CCAR1: variants seen among roughly 807,000 people sequenced by gnomAD.
The protein encoded by CCAR1 is cell division cycle and apoptosis regulator 1, also known as cell division cycle and apoptosis regulator protein 1.
CCAR1 carries 78 observed loss-of-function variants against 163.8 expected under a neutral mutation model. The ratio of observed to expected loss-of-function variants is 0.48; its 90% CI spans 0.40 to 0.57. The LOEUF is 0.57. Among genes scored for constraint, CCAR1 ranks in the 20% least tolerant of loss-of-function variants. CCAR1 has a pLI of 0.00. For synonymous variants in CCAR1, 443 were observed against 460.7 expected (o/e 0.96, Z 0.49); for missense variants, 1,019 against 1,365.2 (o/e 0.75, Z 4.00).
rs146243051 is a variant in CCAR1, at chr10:68,750,133, G to A, written c.1118+448G>A. Among the ~76,000 whole-genome samples the A allele has an allele frequency of 9.9e-5, 15 of 151,540 alleles. No individual in the cohort carries two copies. In the East Asian group the frequency reaches 2.9e-3, roughly 29 times the overall value. ...ATGTATTCACATGTATAGTGTATGT[G>A]TATGTATATACATAAATATATTATT... On this transcript the variant is annotated intron_variant, in intron 10 of 24. Transcript: ENST00000265872.
chr10:68,772,726 C>A (rs1365996385), intron 18 of CCAR1, among the ~76,000 whole-genome samples: 1 of 149,986 alleles, frequency 6.7e-6, no homozygotes, highest in Non-Finnish European at 1.5e-5. Flanking sequence ...CCACTGCACT[C>A]CAGTCTGGGC....
At chr10:68,788,522 G>C (rs915745973) in intron 23 of CCAR1, among the ~76,000 whole-genome samples, 194 bp downstream of exon 23, 3 of 152,100 alleles carry the variant, frequency 2.0e-5, no homozygotes, top group African/African-American at 7.2e-5. Flanking sequence ...GTCTCACTCC[G>C]TTACCCAAGT....
chr10:68,775,687 C>CTT (rs71028782), intron 19 of CCAR1, among the ~76,000 whole-genome samples: 700 of 51,734 alleles, frequency 0.014, 108 homozygotes, highest in African/African-American at 0.057. Context: ...TTTTTCTTTT[C>CTT]TTTTTTTTTT....
At chr10:68,780,510 A>G (rs1283612922) in intron 19 of CCAR1, among the ~76,000 whole-genome samples, 1 of 152,190 alleles carries the variant, frequency 6.6e-6, no homozygotes, top group Non-Finnish European at 1.5e-5. Context: ...CATTTGCTTA[A>G]TTTTTTATTT....
intron 18 of CCAR1, among the ~76,000 whole-genome samples, chr10:68,772,269 C>G (rs1174142695): frequency 6.6e-6 from 1 of 151,888 alleles, no homozygotes; most frequent in African/African-American, 2.4e-5. Flanking sequence ...GATTGCTTGA[C>G]TCCAGTAGTT....
chr10:68,787,742 G>C (rs2056811487), intron 21 of CCAR1, 185 bp from the exon 22 acceptor site: 2 of 485,698 alleles, frequency 4.1e-6, no homozygotes, highest in East Asian at 8.0e-5. Context: ...GGCTGAGGTA[G>C]GAGAATCGCT....
chr10:68,748,187 G>A (rs1156970480), intron 8 of CCAR1, among the ~76,000 whole-genome samples: 1 of 152,136 alleles, frequency 6.6e-6, no homozygotes, highest in Non-Finnish European at 1.5e-5. Flanking sequence ...TGTTTAAAAT[G>A]ATGCATAGGG....
In CCAR1 at chr10:68,749,653, C is replaced by A. The variant is rs2056305569; in HGVS notation, c.1086C>A (p.Tyr362Ter). The change falls in exon 10 of 25, where the codon TAC becomes TAA. Residue 362 changes from tyrosine (Y) to a stop codon, truncating the protein, a stop_gained. Transcript: ENST00000265872. LOFTEE classifies it high-confidence loss of function. ...GAGTTCGACGTGTTGTTCCACGTTACACAGTTCAGTTTTCAAAGTTTTCTT... is the reference window on the plus strand; with the variant it reads ...GAGTTCGACGTGTTGTTCCACGTTAAACAGTTCAGTTTTCAAAGTTTTCTT... Reference protein sequence around the residue: ...PRRVRRVVPRYTVQFSKFSLD... With the variant: ...PRRVRRVVPR 6.2e-7 allele frequency: 1 copy of A among 1,612,908 alleles called. No individual in the cohort carries two copies. The highest frequency in any genetic ancestry group is 1.7e-5 in the Admixed American group (1 of 59,914).
At chr10:68,765,739 A>G in intron 16 of CCAR1, 149 bp from the exon 17 acceptor site, 1 of 535,054 alleles carries the variant, frequency 1.9e-6, no homozygotes. Flanking sequence ...TCCCTTCTCA[A>G]CGCTTATGGT....
chr10:68,729,274 G>GTT (rs935707281), intron 2 of CCAR1, among the ~76,000 whole-genome samples: 6 of 141,764 alleles, frequency 4.2e-5, no homozygotes, highest in Non-Finnish European at 6.2e-5. Context: ...GGTTTTTTTG[G>GTT]TTTTTTTTTT....
chr10:68,763,777 T>A (rs1041585959), intron 16 of CCAR1, among the ~76,000 whole-genome samples: 1 of 152,206 alleles, frequency 6.6e-6, no homozygotes, highest in African/African-American at 2.4e-5. Context: ...GATGAAATTG[T>A]CCCAGAGTTG....
At chr10:68,779,489 C>G (rs936126520) in intron 19 of CCAR1, among the ~76,000 whole-genome samples, 1 of 151,492 alleles carries the variant, frequency 6.6e-6, no homozygotes, top group Non-Finnish European at 1.5e-5. Flanking sequence ...GAACTCCCGA[C>G]CTCAGGTGAT....
Position 68,742,416 on chromosome 10 carries a change from C to T in CCAR1, c.365C>T (p.Pro122Leu). Residue 122 changes from proline to leucine, a missense_variant, in exon 6 of 25, where the codon CCT (proline) becomes CTT (leucine). Pro to Leu is a moderately conservative substitution (Grantham distance 98). Around this residue, in one of 4 missense-constraint regions of CCAR1, gnomAD observed 644 missense variants for 904.4 expected, o/e 0.71. Transcript: ENST00000265872. ...ALPTSLSLST[P>L]QPTAQITVSY... ...CCTACAAGCCTTAGCCTGTCTACTC[C>T]TCAGCCAACAGCACAAATAACTGTA... 1.2e-6 allele frequency: 2 copies of T among 1,614,090 alleles called. No individual in the cohort carries two copies.
At chr10:68,779,063 T>C (rs1331935379) in intron 19 of CCAR1, among the ~76,000 whole-genome samples, 1 of 152,168 alleles carries the variant, frequency 6.6e-6, no homozygotes, top group Non-Finnish European at 1.5e-5. Context: ...CAGGCTGGTT[T>C]TGAACTTCTG....
Position 68,727,136 on chromosome 10 carries a change from G to C in CCAR1, c.73+4559G>C, listed in dbSNP as rs569896630. On this transcript the variant is annotated intron_variant, in intron 2 of 24. Transcript: ENST00000265872. Reference sequence around the variant, plus strand: ...AGGCTGGAGTGCAGTGGCACGATCTGGGCTCACTGCAATCTCTGCCTCCCG... The same window carrying C: ...AGGCTGGAGTGCAGTGGCACGATCTCGGCTCACTGCAATCTCTGCCTCCCG... Among the ~76,000 whole-genome samples, 5 of 142,514 alleles carry C rather than the reference G, an allele frequency of 3.5e-5. No individual in the cohort carries two copies. In the East Asian group the frequency reaches 8.4e-4, roughly 24 times the overall value. 93.5% of individuals were successfully genotyped at this position (142,514 alleles called of 152,430 possible).
At chr10:68,786,354 G>A in intron 20 of CCAR1, 136 bp downstream of exon 20, 3 of 761,858 alleles carry the variant, frequency 3.9e-6, no homozygotes, top group Non-Finnish European at 4.2e-6. Flanking sequence ...TTTTTTTGTG[G>A]CTATGTCAGA....
intron 15 of CCAR1, 66 bp downstream of exon 15, chr10:68,757,443 C>T: frequency 1.2e-6 from 1 of 867,108 alleles, no homozygotes; most frequent in Non-Finnish European, 1.9e-6. Flanking sequence ...GAGATGGAGT[C>T]TCGCTCTGTC....
intron 19 of CCAR1, among the ~76,000 whole-genome samples, chr10:68,783,674 A>T (rs2056763114): frequency 6.6e-6 from 1 of 152,146 alleles, no homozygotes. Flanking sequence ...GGTATGATAG[A>T]GCAAGAGAAC....
chr10:68,786,676 A>ATCTTTCTCGGGC lies in CCAR1; in HGVS notation c.2867_2878dup (p.Leu956_Ala959dup). On this transcript the variant is annotated inframe_insertion, in exon 21 of 25. Transcript: ENST00000265872. ...GAAATACTTTATACTCTTGGACTAC[A>ATCTTTCTCGGGC]TCTTTCTCGGGCTCAGGTAATCTAT... 6.3e-7 allele frequency: 1 copy of ATCTTTCTCGGGC among 1,593,866 alleles called. No homozygotes were observed. The highest frequency in any genetic ancestry group is 8.5e-7 in the Non-Finnish European group (1 of 1,174,414).
Sources: allele counts gnomAD v4.1 joint callset (sites outside exome capture counted in the v4.1 genomes callset), GRCh38; gene constraint gnomAD v4.1.1; regional missense constraint gnomAD v4.1.1; transcripts MANE v1.5; gene names NCBI Gene and HGNC (gene_info 2026-07-23, HGNC 2026-07-21).